TAOK2: variants seen among roughly 807,000 people sequenced by gnomAD.
The protein encoded by TAOK2 is TAO kinase 2.
TAOK2 carries 42 observed loss-of-function variants against 122.5 expected under a neutral mutation model. That is an observed-to-expected ratio of 0.34 (90% CI 0.27 to 0.44). The LOEUF is 0.44. TAOK2 is among the 20% of genes least tolerant of loss of function. The pLI, the probability that TAOK2 is intolerant of heterozygous loss-of-function variation, is 1.00. For synonymous variants in TAOK2, 704 were observed against 677.6 expected (o/e 1.04, Z -0.61); for missense variants, 1,264 against 1,644.9 (o/e 0.77, Z 4.01).
Position 29,979,931 on chromosome 16 carries a change from G to A in TAOK2, c.655+423G>A, listed in dbSNP as rs1306019471. On this transcript the variant is annotated intron_variant, in intron 8 of 15. Coordinates refer to ENST00000308893, the MANE Select transcript of TAOK2 (RefSeq NM_016151.4). This position sits in a 1 kb window ranked among gnomAD's most constrained non-coding sequence, Gnocchi z 4.1. ...AATGTAAAACAGGGGACTTGACCTA[G>A]TTTAGGGGCTGAAGAAGGCCTCCTT... 6.6e-6 allele frequency among the ~76,000 whole-genome samples: 1 copy of A among 152,214 alleles called. No homozygotes were observed. Among genetic ancestry groups the A allele is most frequent in the Non-Finnish European group, 1.5e-5 (1 of 68,036 alleles).
Position 29,981,840 on chromosome 16 carries a change from AC to A in TAOK2, c.750-16del. 2 of 1,378,684 alleles carry A rather than the reference AC, an allele frequency of 1.5e-6. No homozygotes were observed. Among genetic ancestry groups the A allele is most frequent in the Non-Finnish European group, 1.0e-6 (1 of 978,038 alleles). The allele number at this position is 1,378,684 out of a possible 1,614,324, so 85.4% of individuals were successfully genotyped here. On this transcript the variant is annotated intron_variant, in intron 9 of 15. Coordinates refer to ENST00000308893, the MANE Select transcript of TAOK2 (RefSeq NM_016151.4). ...CTCATGCCTTCCCCACCCCTCTCCC[AC>A]CCTCCTGTGACTTTCAGGTCTGAGT...
chr16:29,989,093 T>A, downstream of TAOK2: 4 of 985,386 alleles, frequency 4.1e-6, no homozygotes, highest in Non-Finnish European at 4.8e-6. Context: ...CCTGTGTCTG[T>A]CCTTAGTCGT....
chr16:29,988,245 C>T lies in TAOK2; in HGVS notation c.*265C>T. ...GTGCTCATCCTCACCCTCATTGACT[C>T]AGGCCTGGGGCCAGGGGTGGTGGAG... is the stretch of plus-strand genomic sequence containing the variant. On this transcript the variant is annotated 3_prime_UTR_variant, in exon 16 of 16. Coordinates refer to ENST00000308893, the MANE Select transcript of TAOK2 (RefSeq NM_016151.4). 1 of 1,454,622 alleles carries T rather than the reference C, an allele frequency of 6.9e-7. No homozygotes were observed. Among genetic ancestry groups the T allele is most frequent in the Non-Finnish European group, 9.0e-7 (1 of 1,110,074 alleles). The allele number at this position is 1,454,622 out of a possible 1,614,324, so 90.1% of individuals were successfully genotyped here.
At position 29,987,884 on chromosome 16, in the gene TAOK2, G is replaced by C. The variant is rs760600341; in HGVS notation, c.3612G>C (p.Gln1204His). 1.2e-6 allele frequency: 2 copies of C among 1,600,436 alleles called. No individual in the cohort carries two copies. The highest frequency in any genetic ancestry group is 1.7e-6 in the Non-Finnish European group (2 of 1,176,336). Reference sequence around the variant, plus strand: ...GGCTACTACCACGCAGCCAGCGCCAGCTAGGGCCCCCTGCCTCCCGCCAGC... The same window carrying C: ...GGCTACTACCACGCAGCCAGCGCCACCTAGGGCCCCCTGCCTCCCGCCAGC... ...IPRLLPRSQR[Q>H]LGPPASRQPL... The change falls in exon 16 of 16, where the codon CAG becomes CAC. Residue 1204 changes from glutamine to histidine, a missense_variant. Physicochemically the swap from Gln to His is conservative, Grantham distance 24. Around this residue, in one of 4 missense-constraint regions of TAOK2, gnomAD observed 824 missense variants for 908.7 expected, o/e 0.91. Coordinates refer to ENST00000308893, the MANE Select transcript of TAOK2 (RefSeq NM_016151.4).
rs371354252 is a variant in TAOK2 at position 29,987,790 on chromosome 16, C to G, written c.3518C>G (p.Pro1173Arg). ...AGCCAGGGTTTAGCATCCCACTTGC[C>G]CCCGTGGGCCATCCACACACTGGCC... ...RASQGLASHL[P>R]PWAIHTLASW... The change falls in exon 16 of 16, where the codon CCC (proline) becomes CGC (arginine). Residue 1173 changes from proline to arginine, a missense_variant. Physicochemically the swap from Pro to Arg is moderately radical, Grantham distance 103. This residue lies in a region of TAOK2 where 824 missense variants were observed against 908.7 expected (regional missense o/e 0.91). Coordinates refer to ENST00000308893, the MANE Select transcript of TAOK2 (RefSeq NM_016151.4). 1 of 1,613,748 alleles carries G rather than the reference C, an allele frequency of 6.2e-7. No individual in the cohort carries two copies. The highest frequency in any genetic ancestry group is 8.5e-7 in the Non-Finnish European group (1 of 1,179,898).
At chr16:29,990,517 C>T (rs2150910865), downstream of TAOK2, 1 of 300,658 alleles carries the variant, frequency 3.3e-6, no homozygotes, top group Non-Finnish European at 6.1e-6. Context: ...ATTTATTTAA[C>T]CCATCCCTTA....
At chr16:29,976,112 G>C (rs1368901268) in intron 1 of TAOK2, among the ~76,000 whole-genome samples, 1 of 152,206 alleles carries the variant, frequency 6.6e-6, no homozygotes, top group African/African-American at 2.4e-5. Flanking sequence ...TGTTTTGCCA[G>C]TGGGTGGCAC....
rs553140291 is a variant in TAOK2 at position 29,988,106 on chromosome 16, A to C, written c.*126A>C. 2.1e-6 allele frequency: 3 copies of C among 1,434,482 alleles called. No individual in the cohort carries two copies. Among genetic ancestry groups the C allele is most frequent in the East Asian group, 2.5e-5 (1 of 39,934 alleles). 88.9% of individuals were successfully genotyped at this position (1,434,482 alleles called of 1,614,324 possible). On this transcript the variant is annotated 3_prime_UTR_variant, in exon 16 of 16. Coordinates refer to ENST00000308893, the MANE Select transcript of TAOK2 (RefSeq NM_016151.4). ...CTTCCTCAGTTTGCTCACTTACCCC[A>C]GGCCCAGCCCTTCGGACCTCTAGAC...
At chr16:29,991,526 C>T (rs56387705), downstream of TAOK2, 1,087 of 1,482,316 alleles carry the variant, frequency 7.3e-4, 6 homozygotes, top group African/African-American at 0.014. This position sits in a 1 kb window ranked among gnomAD's most constrained non-coding sequence, Gnocchi z 5.6. Flanking sequence ...GCACCAGTGT[C>T]GCTTCCCACA....
In TAOK2 at chr16:29,987,082, C is replaced by T. The variant is rs772017668; in HGVS notation, c.2810C>T (p.Pro937Leu). 16 of 1,613,288 alleles carry T rather than the reference C, an allele frequency of 9.9e-6. No homozygotes were observed. In the East Asian group the frequency reaches 3.3e-4, roughly 34 times the overall value. ...GAACCCCCTCCAACACACCTGAGGC[C>T]CTGCCCTGCCAGCCAGCTCCCTGGA... ...PPEPPPTHLR[P>L]CPASQLPGLL... Residue 937 changes from proline to leucine, a missense_variant, in exon 16 of 16, where the codon CCC becomes CTC. Physicochemically the swap from Pro to Leu is moderately conservative, Grantham distance 98 (BLOSUM62 -3). Transcript: ENST00000308893.
intron 8 of TAOK2, chr16:29,981,265 C>T: frequency 8.4e-6 from 4 of 478,706 alleles, no homozygotes; most frequent in African/African-American, 1.9e-5. Context: ...TTTTTCAGTC[C>T]TATTTAATCT....
At position 29,985,755 on chromosome 16, in the gene TAOK2, C is replaced by G; in HGVS notation, c.1886C>G (p.Ala629Gly). The G allele has an allele frequency of 6.2e-7, 1 of 1,611,528 alleles. No individual in the cohort carries two copies. The highest frequency in any genetic ancestry group is 8.5e-7 in the Non-Finnish European group (1 of 1,179,622). The change falls in exon 15 of 16, where the codon GCA becomes GGA. Residue 629 changes from alanine (A) to glycine (G), a missense_variant. By Grantham distance (60) the Ala-to-Gly change is moderately conservative. This residue lies in a region of TAOK2 where 824 missense variants were observed against 908.7 expected (regional missense o/e 0.91). Transcript: ENST00000308893. This position sits in a 1 kb window ranked among gnomAD's most constrained non-coding sequence, Gnocchi z 6.9. ...QLQQCQAEEE[A>G]GLLRRQRQYF... is the part of the protein sequence containing the mutation. ...CAGCAGTGCCAGGCGGAGGAGGAAG[C>G]AGGGCTGCTGCGGCGGCAGCGCCAG...
chr16:29,977,872 A>G lies in TAOK2; in HGVS notation c.100A>G (p.Ile34Val). ...AAAGCTCTTCTCTGACCTCCGGGAAATTGGCCATGGCAGCTTTGGAGCCGT... is the reference window on the plus strand; with the variant it reads ...AAAGCTCTTCTCTGACCTCCGGGAAGTTGGCCATGGCAGCTTTGGAGCCGT... ...PEKLFSDLRE[I>V]GHGSFGAVYF... The change falls in exon 2 of 16, where the codon ATT becomes GTT. Residue 34 changes from isoleucine (I) to valine (V), a missense_variant. Coordinates refer to ENST00000308893, the MANE Select transcript of TAOK2 (RefSeq NM_016151.4). 6.2e-7 allele frequency: 1 copy of G among 1,614,114 alleles called. No homozygotes were observed. Among genetic ancestry groups the G allele is most frequent in the Non-Finnish European group, 8.5e-7 (1 of 1,180,018 alleles).
In TAOK2 at chr16:29,986,609, C is replaced by T. The variant is rs1159607825; in HGVS notation, c.2337C>T (p.Gly779=). ...TAGAACAGCAGCCCTGCTCACCTGG[C>T]CAGGAGGCAGTCCTGGACCAAAGAA... ...TPIEQQPCSP[G]QEAVLDQRML... The change falls in exon 16 of 16, where the codon GGC becomes GGT. Residue 779 remains glycine (G), a synonymous_variant. Transcript: ENST00000308893. This position sits in a 1 kb window ranked among gnomAD's most constrained non-coding sequence, Gnocchi z 4.2. 1 of 1,612,850 alleles carries T rather than the reference C, an allele frequency of 6.2e-7. No individual in the cohort carries two copies. Among genetic ancestry groups the T allele is most frequent in the Admixed American group, 1.7e-5 (1 of 59,780 alleles).
intron 10 of TAOK2, 106 bp from the exon 11 acceptor site, chr16:29,982,628 G>T: frequency 6.9e-7 from 1 of 1,450,834 alleles, no homozygotes; most frequent in South Asian, 1.3e-5. Flanking sequence ...AACCCGTGGT[G>T]GGCGTGGGCC....
At position 29,987,419 on chromosome 16, in the gene TAOK2, G is replaced by A. The variant is rs748325493; in HGVS notation, c.3147G>A (p.Trp1049Ter). 3 of 1,606,096 alleles carry A rather than the reference G, an allele frequency of 1.9e-6. No homozygotes were observed. The South Asian group carries it at 3.3e-5, about 18-fold the overall frequency. Residue 1049 changes from tryptophan (W) to a stop codon, truncating the protein, a stop_gained, in exon 16 of 16, where the codon TGG (tryptophan) becomes TGA (stop). Transcript: ENST00000308893. LOFTEE classifies it high-confidence loss of function. ...MGVPLGLGAA[W>*]LLAWPGLALP... ...TTCCCCTGGGCCTTGGAGCTGCCTG[G>A]CTCTTAGCTTGGCCAGGCCTAGCTC...
At chr16:29,983,451 C>A (rs1185064235) in intron 12 of TAOK2, 52 bp from the exon 13 acceptor site, 4 of 1,575,448 alleles carry the variant, frequency 2.5e-6, no homozygotes, top group Non-Finnish European at 3.5e-6. Flanking sequence ...AGGTAGCTCT[C>A]TTTGGACCCA....
At chr16:29,988,904 C>T (rs536835078), downstream of TAOK2, 20 of 985,306 alleles carry the variant, frequency 2.0e-5, no homozygotes, top group Admixed American at 2.5e-4. Flanking sequence ...GGCTGGAATG[C>T]GGATCTGGTC....
rs751053778 is a variant in TAOK2, at chr16:29,978,299, G to T, written c.252G>T (p.Arg84=). 1 of 1,614,110 alleles carries T rather than the reference G, an allele frequency of 6.2e-7. No individual in the cohort carries two copies. The highest frequency in any genetic ancestry group is 1.1e-5 in the South Asian group (1 of 91,070). The change falls in exon 4 of 16, where the codon CGG becomes CGT. Residue 84 remains arginine (R), a synonymous_variant. Transcript: ENST00000308893. The part of the protein sequence containing the change: ...IKEVRFLQKL[R]HPNTIQYRGC... The stretch of plus-strand genomic sequence containing the variant: ...AGGTGCGGTTCTTACAGAAGCTCCG[G>T]CATCCCAACACCATTCAGTACCGGG...
Sources: allele counts gnomAD v4.1 joint callset (sites outside exome capture counted in the v4.1 genomes callset), GRCh38; gene constraint gnomAD v4.1.1; regional missense constraint gnomAD v4.1.1; non-coding constraint Gnocchi (gnomAD v3.1); transcripts MANE v1.5; gene names NCBI Gene and HGNC (gene_info 2026-07-23, HGNC 2026-07-21).